The following HELZ variants were observed in gnomAD, a reference collection of about 807,000 sequenced individuals.
HELZ encodes the protein ATP-dependent RNA helicase with zinc finger domain.
A neutral mutation model predicts 218.2 loss-of-function variants in HELZ; 23 were observed. The ratio of observed to expected loss-of-function variants is 0.11; its 90% CI spans 0.08 to 0.15. The LOEUF (loss-of-function observed/expected upper bound fraction) is 0.15. Among genes scored for constraint, HELZ ranks in the 10% least tolerant of loss-of-function variants. The pLI is 1.00. For synonymous variants in HELZ, 814 were observed against 829.4 expected, an observed-to-expected ratio of 0.98 and a Z score of 0.32; for missense variants, 1,813 against 2,353.7, an observed-to-expected ratio of 0.77 and a Z score of 4.75.
At position 67,109,565 on chromosome 17, in the gene HELZ, G is replaced by A. The variant is rs1334021589; in HGVS notation, c.4040C>T (p.Pro1347Leu). The A allele has an allele frequency of 6.2e-7, 1 of 1,614,076 alleles. No homozygotes were observed. The highest frequency in any genetic ancestry group is 2.2e-5 in the East Asian group (1 of 44,892). Residue 1347 changes from proline (P) to leucine (L), a missense_variant, in exon 29 of 33, where the codon CCT (proline) becomes CTT (leucine). Transcript: ENST00000358691. ...LNPRHINLPL[P>L]APHAQYAIPN... Reference sequence around the variant, plus strand: ...GATTGCATACTGTGCGTGGGGAGCAGGAAGGGGAAGATTTATGTGTCTTGG... The same window carrying A: ...GATTGCATACTGTGCGTGGGGAGCAAGAAGGGGAAGATTTATGTGTCTTGG...
rs142101119 is a variant in HELZ at position 67,118,692 on chromosome 17, C to CAAAAA, written c.3838+1708_3838+1712dup. ...ACAGCAAGACTCTGTCTTTAAAAGG[C>CAAAAA]AAAAAAAAAAAAAAAAAAAAAAAGG... On this transcript the variant is annotated intron_variant, in intron 27 of 32. Coordinates refer to ENST00000358691, the MANE Select transcript of HELZ (RefSeq NM_014877.4). Among the ~76,000 whole-genome samples, 235 of 44,922 alleles carry CAAAAA rather than the reference C, an allele frequency of 5.2e-3. 21 individuals carry two copies. Among genetic ancestry groups the CAAAAA allele is most frequent in the South Asian group, 7.7e-3 (6 of 778 alleles). 29.5% of individuals were successfully genotyped at this position (44,922 alleles called of 152,430 possible). A position where few individuals can be genotyped will look rare whatever the true frequency, so the allele number is the denominator to read the frequency against.
At chr17:67,223,584 C>T (rs1432497212) in intron 3 of HELZ, among the ~76,000 whole-genome samples, 2 of 151,964 alleles carry the variant, frequency 1.3e-5, no homozygotes, top group African/African-American at 4.8e-5. Flanking sequence ...AACCCCGTCT[C>T]TATTAAAAAT....
Position 67,074,355 on chromosome 17 carries a change from T to C in HELZ, c.*3897A>G, listed in dbSNP as rs1025354654. The C allele has an allele frequency of 3.3e-5, 5 of 152,190 alleles. No individual in the cohort carries two copies. Among genetic ancestry groups the C allele is most frequent in the Non-Finnish European group, 5.9e-5 (4 of 68,008 alleles). The allele number at this position is 152,190 out of a possible 1,614,324, so 9.4% of individuals were successfully genotyped here. The stretch of plus-strand genomic sequence containing the variant: ...ACCTTGTATTTTTATAGATTCTTTC[T>C]GGGATTCCCTTTTTAAAAATAACTC... On this transcript the variant is annotated 3_prime_UTR_variant, in exon 33 of 33. Coordinates refer to ENST00000358691, the MANE Select transcript of HELZ (RefSeq NM_014877.4).
At chr17:67,141,282 G>A (rs866558956) in intron 21 of HELZ, among the ~76,000 whole-genome samples, 6 of 152,050 alleles carry the variant, frequency 3.9e-5, no homozygotes, top group Non-Finnish European at 7.4e-5. Context: ...ATATAACAAC[G>A]TAATGTTTGA....
chr17:67,217,537 T>C (rs771092977), intron 4 of HELZ, among the ~76,000 whole-genome samples: 3 of 152,146 alleles, frequency 2.0e-5, no homozygotes, highest in Non-Finnish European at 4.4e-5. Flanking sequence ...AGCCCTGCAA[T>C]AGCTCCCCAA....
intron 3 of HELZ, among the ~76,000 whole-genome samples, chr17:67,233,170 T>G (rs2041083095): frequency 6.6e-6 from 1 of 152,082 alleles, no homozygotes; most frequent in South Asian, 2.1e-4. Context: ...CTGGCCAACA[T>G]GGTGAAACCC....
intron 5 of HELZ, among the ~76,000 whole-genome samples, chr17:67,214,269 T>TC (rs199581741): frequency 1.4e-5 from 2 of 138,772 alleles, no homozygotes; most frequent in Non-Finnish European, 3.1e-5. Context: ...CTTTTTTTTT[T>TC]TTTTTTTTTT....
At chr17:67,088,864 T>C (rs973787912) in intron 31 of HELZ, among the ~76,000 whole-genome samples, 5 of 152,216 alleles carry the variant, frequency 3.3e-5, no homozygotes, top group African/African-American at 9.6e-5. Context: ...ATCAGCACAA[T>C]TGAAATTTCT....
chr17:67,191,097 T>C (rs2039883966), intron 9 of HELZ, among the ~76,000 whole-genome samples: 1 of 150,740 alleles, frequency 6.6e-6, no homozygotes, highest in African/African-American at 2.5e-5. Context: ...ATAAGGACCT[T>C]AAAAAAATTT....
Position 67,188,704 on chromosome 17 carries a change from G to A in HELZ, c.865-88C>T, listed in dbSNP as rs2039821635. On this transcript the variant is annotated intron_variant, in intron 11 of 32. Coordinates refer to ENST00000358691, the MANE Select transcript of HELZ (RefSeq NM_014877.4). The surrounding 1 kb of genome is among the most constrained non-coding windows in gnomAD (Gnocchi z 4.1). ...CTCTTCAATGAAAATATTTCCATAA[G>A]GGACTTTTACTTCCCCAAGCTTCTA... is the stretch of plus-strand genomic sequence containing the variant. The A allele has an allele frequency of 9.2e-7, 1 of 1,087,262 alleles. No individual in the cohort carries two copies. The highest frequency in any genetic ancestry group is 2.3e-5 in the Admixed American group (1 of 43,352). The allele number at this position is 1,087,262 out of a possible 1,614,324, so 67.4% of individuals were successfully genotyped here. A position where few individuals can be genotyped will look rare whatever the true frequency, so the allele number is the denominator to read the frequency against.
At chr17:67,109,832 C>A in intron 28 of HELZ, 146 bp from the exon 29 acceptor site, 1 of 542,560 alleles carries the variant, frequency 1.8e-6, no homozygotes, top group Non-Finnish European at 3.1e-6. Flanking sequence ...TTTACTTTCT[C>A]ACAATCAAAT....
In HELZ at chr17:67,167,505, T is replaced by A. The variant is rs145831185; in HGVS notation, c.1722A>T (p.Glu574Asp). 185 of 1,613,860 alleles carry A rather than the reference T, an allele frequency of 1.1e-4. 1 individual carries two copies. In the African/African-American group the frequency reaches 2.3e-3, roughly 20 times the overall value. ...GCCGAAGATTAAGTTCTTCACAGCA[T>A]TCCCTAGATAGCCTTAAAAATATAT... ...KEYIFLRLSR[E>D]CCEELNLRPD... Residue 574 changes from glutamate (E) to aspartate (D), a missense_variant, in exon 14 of 33, where the codon GAA becomes GAT. By Grantham distance (45) the Glu-to-Asp change is conservative. Around this residue, in one of 4 missense-constraint regions of HELZ, gnomAD observed 714 missense variants for 1,029.2 expected, o/e 0.69. Coordinates refer to ENST00000358691, the MANE Select transcript of HELZ (RefSeq NM_014877.4).
chr17:67,238,726 G>GA (rs2041250634), intron 3 of HELZ, among the ~76,000 whole-genome samples: 1 of 152,114 alleles, frequency 6.6e-6, no homozygotes, highest in Non-Finnish European at 1.5e-5. Flanking sequence ...GCCTCATAAG[G>GA]AAAGTATTAA....
At chr17:67,233,172 G>T (rs2041083268) in intron 3 of HELZ, among the ~76,000 whole-genome samples, 2 of 152,276 alleles carry the variant, frequency 1.3e-5, no homozygotes, top group Admixed American at 6.5e-5. Flanking sequence ...GGCCAACATG[G>T]TGAAACCCCA....
At chr17:67,212,335 A>AAAAAAAAAAAAAAT (rs2040478644) in intron 5 of HELZ, among the ~76,000 whole-genome samples, 1 of 146,138 alleles carries the variant, frequency 6.8e-6, no homozygotes, top group Non-Finnish European at 1.5e-5. Flanking sequence ...AAAAAAAAAA[A>AAAAAAAAAAAAAAT]GGCTACACTG....
In HELZ at chr17:67,178,730, C is replaced by G. The variant is rs1236401798; in HGVS notation, c.1359G>C (p.Lys453Asn). 3 of 1,613,762 alleles carry G rather than the reference C, an allele frequency of 1.9e-6. No individual in the cohort carries two copies. Among genetic ancestry groups the G allele is most frequent in the African/African-American group, 1.3e-5 (1 of 74,900 alleles). Residue 453 changes from lysine (K) to asparagine (N), a missense_variant, in exon 13 of 33, where the codon AAG (lysine) becomes AAC (asparagine). This residue lies in a region of HELZ where 714 missense variants were observed against 1,029.2 expected (regional missense o/e 0.69). Transcript: ENST00000358691. ...CATGTAACCGTGACTGATAGTTGCT[C>G]TTGGTCAATGATTTGTCTAAAACGG... ...TQSVLDKSLT[K>N]SNYQSRLHDL...
rs557138745 is a variant in HELZ, at chr17:67,203,352, G to A, written c.339C>T (p.Thr113=). The change falls in exon 6 of 33, where the codon ACC becomes ACT. Residue 113 remains threonine (T), a synonymous_variant. Coordinates refer to ENST00000358691, the MANE Select transcript of HELZ (RefSeq NM_014877.4). ...CTCCTGTGAGTGACTTGGCAAGAAT[G>A]GTGGATACAGGTTGGAGCTTCCCTT... is the stretch of plus-strand genomic sequence containing the variant. ...QLKGKLQPVS[T]ILAKSLTGES... 26 of 1,614,116 alleles carry A rather than the reference G, an allele frequency of 1.6e-5. No homozygotes were observed. The African/African-American group carries it at 2.9e-4, about 18-fold the overall frequency.
chr17:67,203,174 T>C (rs2040211483), intron 6 of HELZ, 145 bp downstream of exon 6: 3 of 730,622 alleles, frequency 4.1e-6, no homozygotes, highest in East Asian at 2.7e-5. Flanking sequence ...ATGGGTACTA[T>C]ATCTCAGGAT....
At chr17:67,163,758 T>C (rs2039058420) in intron 15 of HELZ, among the ~76,000 whole-genome samples, 1 of 152,084 alleles carries the variant, frequency 6.6e-6, no homozygotes. Flanking sequence ...GGACTCTAAC[T>C]CCTGAACTTA....
Sources: gnomAD v4.1 joint callset for allele counts (sites outside exome capture counted in the v4.1 genomes callset) on GRCh38, gnomAD v4.1.1 for gene constraint, gnomAD v4.1.1 regional missense constraint, Gnocchi (gnomAD v3.1) non-coding constraint, MANE v1.5 for transcripts, NCBI Gene and HGNC (gene_info 2026-07-23, HGNC 2026-07-21) for gene names.